Variants in NKAIN2 observed in about 807,000 individuals in gnomAD.
NKAIN2 encodes sodium/potassium transporting ATPase interacting 2, also known as sodium/potassium-transporting ATPase subunit beta-1-interacting protein 2.
A neutral mutation model predicts 32.6 loss-of-function variants in NKAIN2; 14 were observed. That is an observed-to-expected ratio of 0.43 (90% CI 0.28 to 0.67). NKAIN2 has a LOEUF of 0.67. NKAIN2 is among the 30% of genes least tolerant of loss of function. NKAIN2 has a pLI of 0.17. For missense variants in NKAIN2, 198 were observed against 258.3 expected, an observed-to-expected ratio of 0.77 and a Z score of 1.60; for synonymous variants, 80 against 87.2, an observed-to-expected ratio of 0.92 and a Z score of 0.46.
At chr6:124,695,769 A>G (rs1774468003) in intron 4 of NKAIN2, among the ~76,000 whole-genome samples, 1 of 152,196 alleles carries the variant, frequency 6.6e-6, no homozygotes. Flanking sequence ...ATAGGTTCAT[A>G]TAGGAAGGAG....
intron 3 of NKAIN2, among the ~76,000 whole-genome samples, chr6:124,400,943 A>G (rs1773598796): frequency 6.6e-6 from 1 of 152,158 alleles, no homozygotes; most frequent in Non-Finnish European, 1.5e-5. Context: ...AGTTTTGCTC[A>G]AATTTTCCTT....
At chr6:124,250,703 A>T (rs7746029) in intron 1 of NKAIN2, among the ~76,000 whole-genome samples, 1 of 152,108 alleles carries the variant, frequency 6.6e-6, no homozygotes, top group East Asian at 1.9e-4. Flanking sequence ...AGTGCTTCAC[A>T]TAAAAGGAAT....
chr6:124,198,770 C>T (rs1385982720), intron 1 of NKAIN2, among the ~76,000 whole-genome samples: 1 of 152,036 alleles, frequency 6.6e-6, no homozygotes, highest in Non-Finnish European at 1.5e-5. Flanking sequence ...TTATGGTGGT[C>T]CACGTTCTTT....
At chr6:123,868,326 A>T (rs762486451) in intron 1 of NKAIN2, among the ~76,000 whole-genome samples, 2 of 152,228 alleles carry the variant, frequency 1.3e-5, no homozygotes, top group African/African-American at 2.4e-5. Flanking sequence ...TTGAAGTAAA[A>T]TGACCAAATA....
At chr6:124,259,554 A>G (rs1253270131) in intron 1 of NKAIN2, among the ~76,000 whole-genome samples, 2 of 152,320 alleles carry the variant, frequency 1.3e-5, no homozygotes, top group African/African-American at 2.4e-5. Flanking sequence ...AGGATTTGGT[A>G]TAAATAGGTT....
intron 5 of NKAIN2, among the ~76,000 whole-genome samples, chr6:124,793,416 G>A (rs890135405): frequency 2.6e-5 from 4 of 152,112 alleles, no homozygotes; most frequent in South Asian, 4.1e-4. Context: ...AACAAACTAT[G>A]TAAGTTCATT....
At chr6:124,056,235 G>A (rs1199816665) in intron 1 of NKAIN2, among the ~76,000 whole-genome samples, 1 of 150,274 alleles carries the variant, frequency 6.7e-6, no homozygotes, top group Admixed American at 6.6e-5. Context: ...TTAATTGAGA[G>A]AGGTTTTTTT....
chr6:124,015,148 A>C (rs1296037368), intron 1 of NKAIN2, among the ~76,000 whole-genome samples: 1 of 152,064 alleles, frequency 6.6e-6, no homozygotes, highest in African/African-American at 2.4e-5. Context: ...CATTTCTCTC[A>C]TTTTCTTTGC....
chr6:124,255,574 T>C (rs915731896), intron 1 of NKAIN2, among the ~76,000 whole-genome samples: 49 of 152,148 alleles, frequency 3.2e-4, no homozygotes, highest in African/African-American at 1.1e-3. Flanking sequence ...CATGGAGCAA[T>C]AGAAGGAAAG....
intron 1 of NKAIN2, among the ~76,000 whole-genome samples, chr6:124,163,913 T>C (rs1788399645): frequency 6.6e-6 from 1 of 151,966 alleles, no homozygotes; most frequent in Admixed American, 6.6e-5. Context: ...GAACTGAAAC[T>C]TGCAGAAAGA....
At chr6:124,459,305 T>A (rs1423662180) in intron 3 of NKAIN2, among the ~76,000 whole-genome samples, 1 of 151,898 alleles carries the variant, frequency 6.6e-6, no homozygotes, top group East Asian at 1.9e-4. Context: ...ATGGCTTACA[T>A]ATGTCCTCAA....
At chr6:124,099,950 G>A (rs187858996) in intron 1 of NKAIN2, among the ~76,000 whole-genome samples, 229 of 152,248 alleles carry the variant, frequency 1.5e-3, no homozygotes, top group African/African-American at 4.3e-3. Flanking sequence ...TTTAAAGATC[G>A]GTTGCTACCA....
At chr6:124,074,019 A>G (rs564942020) in intron 1 of NKAIN2, among the ~76,000 whole-genome samples, 1 of 152,298 alleles carries the variant, frequency 6.6e-6, no homozygotes, top group Non-Finnish European at 1.5e-5. Flanking sequence ...TTTCATGGCT[A>G]TGATTTATTA....
At position 124,740,237 on chromosome 6, in the gene NKAIN2, A is replaced by G. The variant is rs961437824; in HGVS notation, c.475-51102A>G. Among the ~76,000 whole-genome samples the G allele has an allele frequency of 8.6e-5, 13 of 151,736 alleles. 1 individual carries two copies. Among genetic ancestry groups the G allele is most frequent in the Admixed American group, 5.9e-4 (9 of 15,212 alleles). On this transcript the variant is annotated intron_variant, in intron 4 of 6. Coordinates refer to ENST00000368417, the MANE Select transcript of NKAIN2 (RefSeq NM_001040214.3). ...ATGGTGAGGAGTCAGGAGTGAAGACATGGTTAGTTCATAGCCACATAATCT... is the reference window on the plus strand; with the variant it reads ...ATGGTGAGGAGTCAGGAGTGAAGACGTGGTTAGTTCATAGCCACATAATCT...
chr6:124,298,219 T>C (rs1032997628), intron 2 of NKAIN2, among the ~76,000 whole-genome samples: 2 of 152,188 alleles, frequency 1.3e-5, no homozygotes, highest in African/African-American at 4.8e-5. Context: ...TTCAATACTC[T>C]TTTAGCAGAA....
chr6:124,734,777 G>A (rs913526996), intron 4 of NKAIN2, among the ~76,000 whole-genome samples: 1 of 151,872 alleles, frequency 6.6e-6, no homozygotes, highest in Non-Finnish European at 1.5e-5. Context: ...AACTGAAGTG[G>A]ATCCAAAATG....
chr6:124,787,123 C>T (rs112461214), intron 4 of NKAIN2, among the ~76,000 whole-genome samples: 3 of 152,120 alleles, frequency 2.0e-5, no homozygotes, highest in African/African-American at 7.2e-5. Context: ...GAATGGATTA[C>T]CAGTTCTTGG....
intron 5 of NKAIN2, among the ~76,000 whole-genome samples, chr6:124,805,476 C>T (rs1780501705): frequency 6.6e-6 from 1 of 152,060 alleles, no homozygotes; most frequent in African/African-American, 2.4e-5. Context: ...GACATCCACA[C>T]CAAAAACCCA....
At chr6:123,923,613 A>G (rs1775863898) in intron 1 of NKAIN2, among the ~76,000 whole-genome samples, 1 of 151,608 alleles carries the variant, frequency 6.6e-6, no homozygotes, top group Non-Finnish European at 1.5e-5. Context: ...ATGCAGCCAT[A>G]AAAAATGATG....
Sources: allele counts gnomAD v4.1 joint callset (sites outside exome capture counted in the v4.1 genomes callset), GRCh38; gene constraint gnomAD v4.1.1; transcripts MANE v1.5; gene names NCBI Gene and HGNC (gene_info 2026-07-23, HGNC 2026-07-21).